The following KCNIP1 variants were observed in gnomAD, a reference collection of about 807,000 sequenced individuals.
KCNIP1 encodes potassium voltage-gated channel interacting protein 1, also known as A-type potassium channel modulatory protein KCNIP1.
In KCNIP1, 18 loss-of-function variants were observed where a neutral mutation model predicts 33.0. That is an observed-to-expected ratio of 0.55 (90% CI 0.38 to 0.81). The LOEUF is 0.81. KCNIP1 is among the 30% of genes least tolerant of loss of function. KCNIP1 has a pLI of 0.00. For missense variants in KCNIP1, 238 were observed against 271.6 expected (o/e 0.88, Z 0.87); for synonymous variants, 93 against 98.3 (o/e 0.95, Z 0.32).
At chr5:170,376,483 A>T (rs995228117) in intron 1 of KCNIP1, 4 of 152,014 alleles carry the variant, frequency 2.6e-5, no homozygotes, top group Non-Finnish European at 4.4e-5. Flanking sequence ...TGTTACTAAC[A>T]ATAGCTCTTT....
chr5:170,419,234 C>T (rs1755414014), intron 1 of KCNIP1, among the ~76,000 whole-genome samples: 1 of 152,146 alleles, frequency 6.6e-6, no homozygotes, highest in South Asian at 2.1e-4. Context: ...GCCAAGACCC[C>T]AGTGAGGTTT....
chr5:170,691,946 A>G (rs1157451865), intron 1 of KCNIP1, among the ~76,000 whole-genome samples: 2 of 152,188 alleles, frequency 1.3e-5, no homozygotes, highest in African/African-American at 2.4e-5. Flanking sequence ...ATTGTTCCCT[A>G]TGGGATATTC....
intron 1 of KCNIP1, among the ~76,000 whole-genome samples, chr5:170,389,996 A>C (rs1379992911): frequency 6.6e-6 from 1 of 152,186 alleles, no homozygotes; most frequent in Non-Finnish European, 1.5e-5. Context: ...TGACTTTTTA[A>C]GGACCAACTG....
chr5:170,670,915 A>G (rs9313517), intron 1 of KCNIP1, among the ~76,000 whole-genome samples: 1 of 138,812 alleles, frequency 7.2e-6, no homozygotes, highest in Non-Finnish European at 1.6e-5. Context: ...AAAAAAAAAT[A>G]AAAAAAAAAG....
chr5:170,451,057 C>T (rs183494129), intron 1 of KCNIP1, among the ~76,000 whole-genome samples: 7 of 152,282 alleles, frequency 4.6e-5, no homozygotes, highest in South Asian at 2.1e-4. Flanking sequence ...CCCCAACTGA[C>T]GGGAGCTGGC....
intron 1 of KCNIP1, among the ~76,000 whole-genome samples, chr5:170,544,254 A>T (rs535085749): frequency 6.6e-6 from 1 of 152,068 alleles, no homozygotes; most frequent in Admixed American, 6.6e-5. Context: ...TTTCTACTAA[A>T]AATAATAATA....
intron 1 of KCNIP1, among the ~76,000 whole-genome samples, chr5:170,530,265 G>T (rs973680736): frequency 4.6e-5 from 7 of 152,164 alleles, no homozygotes; most frequent in Admixed American, 2.0e-4. Context: ...GATTATTATT[G>T]TTGGTAATGA....
intron 1 of KCNIP1, among the ~76,000 whole-genome samples, chr5:170,533,188 A>AGT (rs35653673): frequency 0.24 from 36,608 of 150,924 alleles, 5,758 homozygotes; most frequent in African/African-American, 0.46. Flanking sequence ...AGGGTCACTG[A>AGT]GTGTGTGTGT....
intron 1 of KCNIP1, among the ~76,000 whole-genome samples, chr5:170,603,856 G>T (rs930975412): frequency 6.6e-6 from 1 of 152,168 alleles, no homozygotes; most frequent in East Asian, 1.9e-4. Context: ...GATGATGTGG[G>T]TTATTGACAG....
chr5:170,634,457 T>C (rs1760205588), intron 1 of KCNIP1, among the ~76,000 whole-genome samples: 1 of 152,216 alleles, frequency 6.6e-6, no homozygotes, highest in Non-Finnish European at 1.5e-5. Context: ...ATGCCAATGC[T>C]GCCAGACTGA....
chr5:170,414,766 T>C (rs1755283441), intron 1 of KCNIP1, among the ~76,000 whole-genome samples: 2 of 152,248 alleles, frequency 1.3e-5, no homozygotes, highest in Admixed American at 1.3e-4. Context: ...TTACTTGCTA[T>C]CCCTTCTCTA....
intron 1 of KCNIP1, among the ~76,000 whole-genome samples, chr5:170,602,569 C>A (rs544265718): frequency 6.6e-6 from 1 of 152,232 alleles, no homozygotes. Context: ...AGGACCACAG[C>A]GGTGACCACT....
chr5:170,700,733 T>TTCAC (rs1211188644), intron 1 of KCNIP1, among the ~76,000 whole-genome samples: 1 of 152,144 alleles, frequency 6.6e-6, no homozygotes, highest in Non-Finnish European at 1.5e-5. Flanking sequence ...TGTGGCACAC[T>TTCAC]TCACTCCTGG....
intron 1 of KCNIP1, among the ~76,000 whole-genome samples, chr5:170,526,006 C>T (rs1404506459): frequency 2.0e-5 from 3 of 152,204 alleles, no homozygotes; most frequent in Admixed American, 1.3e-4. Context: ...CATCTTACAA[C>T]CTCCCTTCCA....
At chr5:170,664,974 A>G (rs1175390713) in intron 1 of KCNIP1, among the ~76,000 whole-genome samples, 1 of 152,200 alleles carries the variant, frequency 6.6e-6, no homozygotes, top group Non-Finnish European at 1.5e-5. Context: ...CCATTTTGCT[A>G]GAAGTCTTTC....
At chr5:170,579,237 T>C (rs1222888946) in intron 1 of KCNIP1, among the ~76,000 whole-genome samples, 1 of 152,220 alleles carries the variant, frequency 6.6e-6, no homozygotes, top group East Asian at 1.9e-4. Flanking sequence ...TACATCTAGA[T>C]GTAATGGCTT....
At chr5:170,390,513 AAC>A (rs1273831995) in intron 1 of KCNIP1, among the ~76,000 whole-genome samples, 1,448 of 28,640 alleles carry the variant, frequency 0.051, 90 homozygotes, top group Middle Eastern at 0.14. Flanking sequence ...AAAAAAAAAA[AAC>A]AAATATATAT....
At chr5:170,612,656 G>A (rs1456482606) in intron 1 of KCNIP1, among the ~76,000 whole-genome samples, 1 of 151,504 alleles carries the variant, frequency 6.6e-6, no homozygotes, top group Non-Finnish European at 1.5e-5. Flanking sequence ...ATGGAGTGGA[G>A]TCCCGTTGTC....
At chr5:170,496,765 G>A (rs550395017) in intron 1 of KCNIP1, among the ~76,000 whole-genome samples, 20 of 152,174 alleles carry the variant, frequency 1.3e-4, no homozygotes, top group African/African-American at 3.6e-4. Flanking sequence ...AGTCTCACCC[G>A]TCCACCCTCA....
Sources: gnomAD v4.1 joint callset for allele counts (sites outside exome capture counted in the v4.1 genomes callset) on GRCh38, gnomAD v4.1.1 for gene constraint, MANE v1.5 for transcripts, NCBI Gene and HGNC (gene_info 2026-07-23, HGNC 2026-07-21) for gene names.